ARHGAP40: variants seen among roughly 807,000 people sequenced by gnomAD.
The protein encoded by ARHGAP40 is Rho GTPase activating protein 40.
A neutral mutation model predicts 73.5 loss-of-function variants in ARHGAP40; 43 were observed. The observed-to-expected ratio is 0.58, with a 90% CI of 0.46 to 0.75. The LOEUF is 0.75. ARHGAP40 is among the 30% of genes least tolerant of loss of function. The pLI is 0.00. For synonymous variants in ARHGAP40, 300 were observed against 352.8 expected, an observed-to-expected ratio of 0.85 and a Z score of 1.68; for missense variants, 734 against 861.8, an observed-to-expected ratio of 0.85 and a Z score of 1.86.
intron 14 of ARHGAP40, among the ~76,000 whole-genome samples, chr20:38,648,937 G>T (rs2089071209): frequency 6.6e-6 from 1 of 152,246 alleles, no homozygotes. Flanking sequence ...CCTCAGGCTT[G>T]CAGAGAGATG....
intron 2 of ARHGAP40, among the ~76,000 whole-genome samples, chr20:38,626,217 G>A (rs921153660): frequency 1.3e-5 from 2 of 152,192 alleles, no homozygotes; most frequent in South Asian, 2.1e-4. Context: ...TTATTACCTT[G>A]TTGACTAACT....
chr20:38,634,766 G>A (rs749048560), exon 6 of ARHGAP40: 11 of 1,292,680 alleles, frequency 8.5e-6, no homozygotes, highest in Admixed American at 7.1e-5. Context: ...GGAGCAAGGC[G>A]GGGAAGTGGA....
intron 1 of ARHGAP40, among the ~76,000 whole-genome samples, chr20:38,616,448 T>A (rs1408090969): frequency 6.6e-6 from 1 of 152,190 alleles, no homozygotes; most frequent in Non-Finnish European, 1.5e-5. Flanking sequence ...GGGCTACATC[T>A]GGGCTGGTGG....
chr20:38,642,991 A>T (rs1227384692), intron 10 of ARHGAP40, among the ~76,000 whole-genome samples: 2 of 152,098 alleles, frequency 1.3e-5, no homozygotes, highest in Non-Finnish European at 2.9e-5. Context: ...AAATAAAAAA[A>T]TTAGCTGGGT....
At chr20:38,638,406 G>A (rs1244470027) in intron 7 of ARHGAP40, among the ~76,000 whole-genome samples, 4 of 152,096 alleles carry the variant, frequency 2.6e-5, no homozygotes, top group Non-Finnish European at 2.9e-5. Flanking sequence ...AGCTGGTCTC[G>A]AACTCCTGGC....
chr20:38,628,486 A>G (rs544536795), intron 3 of ARHGAP40, among the ~76,000 whole-genome samples: 3 of 151,872 alleles, frequency 2.0e-5, no homozygotes, highest in Non-Finnish European at 2.9e-5. Flanking sequence ...TTGTATTTTT[A>G]GTAGAGACGG....
exon 7 of ARHGAP40, chr20:38,637,742 G>A: frequency 1.5e-6 from 2 of 1,305,248 alleles, no homozygotes; most frequent in South Asian, 2.5e-5. Context: ...TTGACAGCCT[G>A]CTAGAAGCTG....
At chr20:38,601,882 G>A in exon 1 of ARHGAP40, 3 of 1,284,956 alleles carry the variant, frequency 2.3e-6, no homozygotes, top group Admixed American at 2.3e-5. Context: ...TCACATTGCC[G>A]ATCGAGTCAG....
intron 5 of ARHGAP40, among the ~76,000 whole-genome samples, chr20:38,631,816 A>G (rs1293397083): frequency 6.6e-6 from 1 of 152,180 alleles, no homozygotes; most frequent in African/African-American, 2.4e-5. Context: ...ATGTGAGAGT[A>G]CTTTCACTCA....
rs186040253 is a variant in ARHGAP40 at position 38,615,480 on chromosome 20, G to A, written c.138-7879G>A. 695 of 677,282 alleles carry A rather than the reference G, an allele frequency of 1.0e-3. 3 individuals are homozygous for A. Among genetic ancestry groups the A allele is most frequent in the African/African-American group, 9.8e-3 (550 of 56,080 alleles). The allele number at this position is 677,282 out of a possible 1,614,324, so 42.0% of individuals were successfully genotyped here. A position where few individuals can be genotyped will look rare whatever the true frequency, so the allele number is the denominator to read the frequency against. On this transcript the variant is annotated intron_variant, in intron 1 of 14. Transcript: ENST00000373345. ...ACTCGACCTCGGCCACGTCCATGGC[G>A]GCGCGAGTGGCCAGCTCGGGCCTCA...
intron 2 of ARHGAP40, among the ~76,000 whole-genome samples, chr20:38,625,373 G>T (rs1323719365): frequency 1.3e-5 from 2 of 151,604 alleles, no homozygotes; most frequent in Non-Finnish European, 2.9e-5. Context: ...ATCCTGAGTG[G>T]CATGGAGCCA....
rs911092053 is a variant in ARHGAP40, at chr20:38,634,485, A to G, written c.784-135A>G. 9.7e-6 allele frequency: 6 copies of G among 615,498 alleles called. No homozygotes were observed. The Admixed American group carries it at 1.0e-4, about 11-fold the overall frequency. The allele number at this position is 615,498 out of a possible 1,614,324, so 38.1% of individuals were successfully genotyped here. ...GAGCTTGGACTTGACTTGAGGATGG[A>G]CTCCTCTTGAGTGCTTGCTCTTATC... On this transcript the variant is annotated intron_variant, in intron 5 of 14. Coordinates refer to ENST00000373345, the Ensembl canonical transcript of ARHGAP40.
intron 1 of ARHGAP40, among the ~76,000 whole-genome samples, chr20:38,604,698 A>G (rs1601130392): frequency 6.6e-6 from 1 of 152,182 alleles, no homozygotes; most frequent in South Asian, 2.1e-4. Context: ...CTGGCCCAGA[A>G]CAGTGGTTTT....
At chr20:38,605,533 G>A (rs2088766445) in intron 1 of ARHGAP40, among the ~76,000 whole-genome samples, 1 of 152,176 alleles carries the variant, frequency 6.6e-6, no homozygotes, top group African/African-American at 2.4e-5. Flanking sequence ...AGACCCAGTT[G>A]GAGTGAGGTG....
chr20:38,615,262 C>T, intron 1 of ARHGAP40: 1 of 769,320 alleles, frequency 1.3e-6, no homozygotes, highest in South Asian at 1.4e-5. Context: ...TCATCTTCTC[C>T]AACTTTTCTA....
chr20:38,602,130 G>A, intron 1 of ARHGAP40, 51 bp downstream of exon 1: 2 of 1,243,360 alleles, frequency 1.6e-6, no homozygotes, highest in African/African-American at 1.5e-5. Flanking sequence ...ATGCACCAGG[G>A]GCATGTGCGG....
intron 14 of ARHGAP40, 105 bp from the exon 15 acceptor site, chr20:38,649,652 G>A: frequency 1.7e-6 from 1 of 588,924 alleles, no homozygotes; most frequent in Non-Finnish European, 2.9e-6. Flanking sequence ...CAGTCAAGAT[G>A]CATACAGCCA....
chr20:38,628,894 T>A (rs976921691), intron 3 of ARHGAP40, 33 bp from the exon 4 acceptor site: 14 of 1,287,482 alleles, frequency 1.1e-5, no homozygotes, highest in Non-Finnish European at 1.4e-5. Flanking sequence ...GCTTCCCACA[T>A]GAGTAATTGG....
intron 1 of ARHGAP40, among the ~76,000 whole-genome samples, chr20:38,604,991 G>T (rs969561988): frequency 1.3e-5 from 2 of 150,866 alleles, no homozygotes; most frequent in Non-Finnish European, 2.9e-5. Context: ...TGGTCTGTTT[G>T]CTCCAGGCTA....
Sources: allele counts gnomAD v4.1 joint callset (sites outside exome capture counted in the v4.1 genomes callset), GRCh38; gene constraint gnomAD v4.1.1; transcripts MANE v1.5; gene names NCBI Gene and HGNC (gene_info 2026-07-23, HGNC 2026-07-21).